Variants in TRIM37 observed in about 807,000 individuals in gnomAD.
The protein encoded by TRIM37 is tripartite motif containing 37, also known as E3 ubiquitin-protein ligase TRIM37.
In TRIM37, 80 loss-of-function variants were observed where a neutral mutation model predicts 129.8. That is an observed-to-expected ratio of 0.62 (90% CI 0.51 to 0.74). The LOEUF (loss-of-function observed/expected upper bound fraction) is 0.74. TRIM37 is among the 30% of genes least tolerant of loss of function. TRIM37 has a pLI of 0.00. For synonymous variants in TRIM37, 389 were observed against 387.1 expected (o/e 1.00, Z -0.06); for missense variants, 1,054 against 1,176.5 (o/e 0.90, Z 1.52).
intron 7 of TRIM37, among the ~76,000 whole-genome samples, chr17:59,078,961 C>T (rs1390056822): frequency 6.6e-6 from 1 of 150,492 alleles, no homozygotes; most frequent in East Asian, 1.9e-4. Flanking sequence ...ATTTGCATCT[C>T]ATTTTTAAAA....
At chr17:58,969,339 G>A in the TRIM37 span, 1 of 684,870 alleles carries the variant, frequency 1.5e-6, no homozygotes, top group Non-Finnish European at 2.7e-6. Flanking sequence ...GTGTTCTGGT[G>A]TGTAAACACA....
intron 17 of TRIM37, among the ~76,000 whole-genome samples, chr17:59,036,193 A>AGGCCAGGAGTTGGAGACC (rs1212393076): frequency 6.6e-6 from 1 of 152,270 alleles, no homozygotes; most frequent in East Asian, 1.9e-4. Flanking sequence ...GGACTAATTG[A>AGGCCAGGAGTTGGAGACC]GGCCAGGAGT....
At chr17:59,012,215 C>CCCG in intron 22 of TRIM37, 113 bp downstream of exon 22, 1 of 567,198 alleles carries the variant, frequency 1.8e-6, no homozygotes, top group African/African-American at 2.0e-5. Context: ...ATCACTACCA[C>CCCG]CAGCAGCAGC....
chr17:58,974,544 G>A, the TRIM37 span, among the ~76,000 whole-genome samples: 1 of 152,074 alleles, frequency 6.6e-6, no homozygotes, highest in African/African-American at 2.4e-5. Context: ...TTTGGGCCCT[G>A]GGTTTATTAT....
chr17:58,991,175 CAAAA>C (rs71145510), intron 24 of TRIM37, among the ~76,000 whole-genome samples: 3 of 83,664 alleles, frequency 3.6e-5, no homozygotes, highest in Non-Finnish European at 2.4e-5. Context: ...AACTCTGTCT[CAAAA>C]AAAAAAAAAA....
At chr17:58,979,110 AAAGG>A (rs1214031395), downstream of TRIM37, among the ~76,000 whole-genome samples, 1 of 152,228 alleles carries the variant, frequency 6.6e-6, no homozygotes, top group East Asian at 1.9e-4. Context: ...CTAAGCAAGA[AAAGG>A]AAGAGAGAAA....
chr17:58,976,696 G>A, the TRIM37 span, among the ~76,000 whole-genome samples: 1 of 152,088 alleles, frequency 6.6e-6, no homozygotes, highest in African/African-American at 2.4e-5. Context: ...CCAAATTTGG[G>A]GGCGAAATGT....
chr17:59,083,296 G>A (rs1568204220), intron 5 of TRIM37, among the ~76,000 whole-genome samples: 1 of 151,992 alleles, frequency 6.6e-6, no homozygotes, highest in Non-Finnish European at 1.5e-5. Flanking sequence ...TTAGCCAGGC[G>A]TGGTGGTGGC....
intron 22 of TRIM37, among the ~76,000 whole-genome samples, chr17:59,003,834 C>T (rs920285528): frequency 1.3e-5 from 2 of 151,186 alleles, no homozygotes; most frequent in African/African-American, 4.9e-5. Flanking sequence ...GCCTGTAGTC[C>T]CAGCTACTTG....
At chr17:59,022,602 C>G (rs2036735333) in intron 19 of TRIM37, among the ~76,000 whole-genome samples, 1 of 152,172 alleles carries the variant, frequency 6.6e-6, no homozygotes, top group African/African-American at 2.4e-5. Flanking sequence ...AATTGACTTA[C>G]CTTACCTCTT....
At chr17:59,016,957 C>T (rs956317128) in intron 20 of TRIM37, among the ~76,000 whole-genome samples, 2 of 152,026 alleles carry the variant, frequency 1.3e-5, no homozygotes, top group Admixed American at 6.6e-5. Flanking sequence ...AGGCGGATTG[C>T]TTGAGCTCAG....
chr17:59,036,519 G>A (rs1158881542), intron 17 of TRIM37, among the ~76,000 whole-genome samples: 2 of 149,978 alleles, frequency 1.3e-5, no homozygotes, highest in East Asian at 4.0e-4. Context: ...GTCTTGCTCT[G>A]TCACCCAGGC....
intron 13 of TRIM37, 139 bp downstream of exon 13, chr17:59,056,736 A>AAAAAAAC (rs2040947861): frequency 2.3e-6 from 1 of 434,208 alleles, no homozygotes; most frequent in African/African-American, 2.0e-5. Flanking sequence ...AAAAAAAAAA[A>AAAAAAAC]AAAAAAAAAA....
chr17:59,031,912 T>A lies in TRIM37; in HGVS notation c.1932A>T (p.Ser644=), dbSNP rs1326763918. The stretch of plus-strand genomic sequence containing the variant: ...TTATTTTACCTGTGGGCTGCAGAAG[T>A]GAAGCAGGTGGGCGAGGCTGTAAGC... ...LWGLQPRPPA[S]LLQPTASYSR... Residue 644 remains serine (S), a synonymous_variant, in exon 18 of 24, where the codon TCA becomes TCT. Transcript: ENST00000262294. 1 of 1,614,002 alleles carries A rather than the reference T, an allele frequency of 6.2e-7. No individual in the cohort carries two copies. Among genetic ancestry groups the A allele is most frequent in the East Asian group, 2.2e-5 (1 of 44,882 alleles).
Position 59,101,655 on chromosome 17 carries a change from CAAAAAAAAAA to C in TRIM37, c.123+2628_123+2637del, listed in dbSNP as rs763661189. Among the ~76,000 whole-genome samples, 135 of 58,756 alleles carry C rather than the reference CAAAAAAAAAA, an allele frequency of 2.3e-3. 2 individuals carry two copies. Among genetic ancestry groups the C allele is most frequent in the South Asian group, 6.7e-3 (9 of 1,334 alleles). The allele number at this position is 58,756 out of a possible 152,430, so 38.5% of individuals were successfully genotyped here. On this transcript the variant is annotated intron_variant, in intron 2 of 23. Coordinates refer to ENST00000262294, the MANE Select transcript of TRIM37 (RefSeq NM_015294.6). ...GCAACATAGTGAAACCCCATCTCTA[CAAAAAAAAAA>C]AAAAAAAAAAAAATATATATATATA...
Position 58,998,297 on chromosome 17 carries a change from G to C in TRIM37, c.*1080C>G. Reference sequence around the variant, plus strand: ...ATTCAGCAAGACATCAGACACGGAAGAGTGAACAATATTCACTAAGTAAAA... The same window carrying C: ...ATTCAGCAAGACATCAGACACGGAACAGTGAACAATATTCACTAAGTAAAA... On this transcript the variant is annotated 3_prime_UTR_variant, in exon 24 of 24. Coordinates refer to ENST00000262294, the MANE Select transcript of TRIM37 (RefSeq NM_015294.6). 1.0e-6 allele frequency: 1 copy of C among 985,088 alleles called. No homozygotes were observed. The allele number at this position is 985,088 out of a possible 1,614,324, so 61.0% of individuals were successfully genotyped here. A position where few individuals can be genotyped will look rare whatever the true frequency, so the allele number is the denominator to read the frequency against.
downstream of TRIM37, among the ~76,000 whole-genome samples, chr17:58,994,656 T>C (rs1223142906): frequency 2.6e-5 from 4 of 152,194 alleles, no homozygotes; most frequent in African/African-American, 4.8e-5. Flanking sequence ...ATAGGGGACT[T>C]GAGCATCTGT....
chr17:58,975,088 A>ATGC, the TRIM37 span, among the ~76,000 whole-genome samples: 1 of 152,214 alleles, frequency 6.6e-6, no homozygotes, highest in South Asian at 2.1e-4. Flanking sequence ...TACCCATCAA[A>ATGC]TGCTACCCTT....
At chr17:59,007,486 G>C (rs2034693370) in intron 22 of TRIM37, among the ~76,000 whole-genome samples, 1 of 152,028 alleles carries the variant, frequency 6.6e-6, no homozygotes, top group Non-Finnish European at 1.5e-5. Context: ...GTTTTTAACA[G>C]GCATGCCAAG....
Sources: gnomAD v4.1 joint callset for allele counts (sites outside exome capture counted in the v4.1 genomes callset) on GRCh38, gnomAD v4.1.1 for gene constraint, MANE v1.5 for transcripts, NCBI Gene and HGNC (gene_info 2026-07-23, HGNC 2026-07-21) for gene names.